The following ADSL variants were observed in gnomAD, a reference collection of about 807,000 sequenced individuals.
ADSL encodes the protein adenylosuccinase.
ADSL carries 44 observed loss-of-function variants against 62.1 expected under a neutral mutation model. The ratio of observed to expected loss-of-function variants is 0.71; its 90% CI spans 0.56 to 0.91. The LOEUF is 0.91. Ranked by LOEUF, ADSL falls within the 40% of genes least tolerant of loss-of-function variation. The probability of loss-of-function intolerance (pLI) is 0.00; values close to 1 mark genes in which losing one functional copy is unlikely to be tolerated. For synonymous variants in ADSL, 198 were observed against 220.5 expected, an observed-to-expected ratio of 0.90 and a Z score of 0.90; for missense variants, 531 against 627.4, an observed-to-expected ratio of 0.85 and a Z score of 1.64.
downstream of ADSL, among the ~76,000 whole-genome samples, chr22:40,369,537 T>C (rs895112984): frequency 6.7e-6 from 1 of 149,982 alleles, no homozygotes; most frequent in Non-Finnish European, 1.5e-5. Context: ...AAGATCTTGC[T>C]CTGTCGCCCA....
intron 3 of ADSL, among the ~76,000 whole-genome samples, chr22:40,353,624 T>C (rs200989991): frequency 6.3e-4 from 70 of 110,520 alleles, no homozygotes; most frequent in Admixed American, 1.6e-3. Flanking sequence ...GCATAGCCTT[T>C]TTTTTTTTTT....
chr22:40,364,375 C>T lies in ADSL; in HGVS notation c.1191+10C>T, dbSNP rs974462495. On this transcript the variant is annotated intron_variant, in intron 11 of 12. Coordinates refer to ENST00000623063, the MANE Select transcript of ADSL (RefSeq NM_000026.4). ...TGGAGGTAGCCGCCAGGTTTGTAAC[C>T]CCTCATGTTCCTGGATAAGTTGAGA... 6.2e-7 allele frequency: 1 copy of T among 1,611,572 alleles called. No homozygotes were observed. The highest frequency in any genetic ancestry group is 8.5e-7 in the Non-Finnish European group (1 of 1,178,200).
In ADSL at chr22:40,346,596, A is replaced by T. The variant is rs1157597276; in HGVS notation, c.38A>T (p.Tyr13Phe). The T allele has an allele frequency of 6.2e-7, 1 of 1,607,736 alleles. No homozygotes were observed. Among genetic ancestry groups the T allele is most frequent in the Middle Eastern group, 1.7e-4 (1 of 6,052 alleles). ...AGGDHGSPDS[Y>F]RSPLASRYAS... ...GGCGATCATGGTTCGCCCGACAGCT[A>T]CCGCTCACCTCTTGCCTCCCGCTAT... Residue 13 changes from tyrosine to phenylalanine, a missense_variant, in exon 1 of 13, where the codon TAC becomes TTC. Transcript: ENST00000623063.
chr22:40,374,009 C>T (rs1015077909), downstream of ADSL, among the ~76,000 whole-genome samples: 3 of 150,560 alleles, frequency 2.0e-5, no homozygotes, highest in African/African-American at 2.4e-5. Flanking sequence ...AGTGCAGTGG[C>T]GTGATCTCGG....
intron 2 of ADSL, among the ~76,000 whole-genome samples, chr22:40,351,163 T>TA (rs67132188): frequency 4.6e-5 from 7 of 150,908 alleles, no homozygotes; most frequent in Non-Finnish European, 7.4e-5. Flanking sequence ...CCAGGCTAAT[T>TA]AAAAAAAAAT....
At chr22:40,370,917 C>T (rs561652401), downstream of ADSL, among the ~76,000 whole-genome samples, 1 of 152,332 alleles carries the variant, frequency 6.6e-6, no homozygotes, top group Admixed American at 6.5e-5. Flanking sequence ...CGGCTGCGTC[C>T]TCCGGTGCGG....
Position 40,346,612 on chromosome 22 carries a change from C to T in ADSL, c.54C>T (p.Ala18=), listed in dbSNP as rs756722245. Residue 18 remains alanine (A), a synonymous_variant, in exon 1 of 13, where the codon GCC becomes GCT. Transcript: ENST00000623063. ...GSPDSYRSPL[A]SRYASPEMCF... ...CCGACAGCTACCGCTCACCTCTTGC[C>T]TCCCGCTATGCCAGCCCGGAGATGT... The T allele has an allele frequency of 5.6e-6, 9 of 1,609,548 alleles. No homozygotes were observed. The highest frequency in any genetic ancestry group is 1.3e-5 in the African/African-American group (1 of 74,886).
intron 1 of ADSL, chr22:40,348,480 C>G (rs902125652): frequency 2.5e-6 from 1 of 398,592 alleles, no homozygotes; most frequent in Non-Finnish European, 4.4e-6. Flanking sequence ...GCATCCTGGG[C>G]TCAAGCTGTC....
In ADSL at chr22:40,366,637, C is replaced by A; in HGVS notation, c.*115C>A. On this transcript the variant is annotated 3_prime_UTR_variant, in exon 13 of 13. Transcript: ENST00000623063. The stretch of plus-strand genomic sequence containing the variant: ...TTACCTTAAATTAGTACAGCACTTT[C>A]TTCTTCCCATGGTGCTTTCCTGTTT... 1.3e-6 allele frequency: 1 copy of A among 775,392 alleles called. No individual in the cohort carries two copies. The highest frequency in any genetic ancestry group is 1.5e-5 in the South Asian group (1 of 68,134). The allele number at this position is 775,392 out of a possible 1,614,324, so 48.0% of individuals were successfully genotyped here. A position where few individuals can be genotyped will look rare whatever the true frequency, so the allele number is the denominator to read the frequency against.
intron 2 of ADSL, among the ~76,000 whole-genome samples, chr22:40,374,610 C>T (rs995011295): frequency 2.0e-5 from 3 of 152,240 alleles, no homozygotes; most frequent in Admixed American, 1.3e-4. Context: ...GGGCCCAGTA[C>T]GGCGGCTCAC....
intron 2 of ADSL, among the ~76,000 whole-genome samples, chr22:40,386,955 T>G (rs1170015361): frequency 2.6e-5 from 4 of 152,184 alleles, no homozygotes; most frequent in Non-Finnish European, 5.9e-5. Context: ...TTTTAGTTGC[T>G]TTGTGTCTTA....
Position 40,346,606 on chromosome 22 carries a change from T to G in ADSL, c.48T>G (p.Pro16=). The part of the protein sequence containing the change: ...DHGSPDSYRS[P]LASRYASPEM... ...GTTCGCCCGACAGCTACCGCTCACC[T>G]CTTGCCTCCCGCTATGCCAGCCCGG... The change falls in exon 1 of 13, where the codon CCT becomes CCG. Residue 16 remains proline (P), a synonymous_variant. Transcript: ENST00000623063. 3 of 1,609,076 alleles carry G rather than the reference T, an allele frequency of 1.9e-6. No homozygotes were observed. In the South Asian group the frequency reaches 3.3e-5, roughly 18 times the overall value.
At chr22:40,382,246 A>G (rs1404151417) in intron 2 of ADSL, among the ~76,000 whole-genome samples, 1 of 152,204 alleles carries the variant, frequency 6.6e-6, no homozygotes, top group South Asian at 2.1e-4. Flanking sequence ...CAGTTCTTCC[A>G]TTTATCTATT....
chr22:40,377,149 C>G (rs936149369), intron 2 of ADSL, among the ~76,000 whole-genome samples: 2 of 152,210 alleles, frequency 1.3e-5, no homozygotes, highest in Non-Finnish European at 2.9e-5. Flanking sequence ...CCAGGTTCTT[C>G]TGGGGATAAC....
At chr22:40,364,852 A>C (rs371852103) in intron 11 of ADSL, 28 bp from the exon 12 acceptor site, 55 of 1,611,708 alleles carry the variant, frequency 3.4e-5, no homozygotes, top group Non-Finnish European at 4.2e-5. Context: ...GTTAGTAGGG[A>C]ACTGACAATA....
chr22:40,352,607 C>T (rs894556782), intron 2 of ADSL, among the ~76,000 whole-genome samples: 2 of 152,218 alleles, frequency 1.3e-5, no homozygotes, highest in Non-Finnish European at 2.9e-5. Context: ...AAGCCCTCCT[C>T]TCTGGGAAAA....
At chr22:40,363,212 C>T in intron 10 of ADSL, 141 bp downstream of exon 10, 2 of 750,252 alleles carry the variant, frequency 2.7e-6, no homozygotes, top group Non-Finnish European at 4.7e-6. Flanking sequence ...AGTTCATAAG[C>T]TCTAGGGAAC....
chr22:40,360,102 G>A (rs554359428), intron 6 of ADSL, among the ~76,000 whole-genome samples: 2 of 152,250 alleles, frequency 1.3e-5, no homozygotes, highest in African/African-American at 4.8e-5. Flanking sequence ...TAGTGAAAAG[G>A]GTGGAAGAAT....
At chr22:40,363,136 C>T in intron 10 of ADSL, 65 bp downstream of exon 10, 1 of 1,484,686 alleles carries the variant, frequency 6.7e-7, no homozygotes, top group Non-Finnish European at 9.4e-7. Flanking sequence ...GGAGGGTGCT[C>T]TGGGGTGTGT....
Sources: gnomAD v4.1 joint callset for allele counts (sites outside exome capture counted in the v4.1 genomes callset) on GRCh38, gnomAD v4.1.1 for gene constraint, MANE v1.5 for transcripts, NCBI Gene and HGNC (gene_info 2026-07-23, HGNC 2026-07-21) for gene names.